The following EGF variants were observed in gnomAD, a reference collection of about 807,000 sequenced individuals.
EGF encodes epidermal growth factor.
Under a neutral mutation model 143.8 loss-of-function variants are expected in EGF, and 95 were observed. The ratio of observed to expected loss-of-function variants is 0.66; its 90% CI spans 0.56 to 0.78. EGF has a LOEUF of 0.78. Among genes scored for constraint, EGF ranks in the 30% least tolerant of loss-of-function variants. EGF has a pLI of 0.00. For synonymous variants in EGF, 510 were observed against 510.5 expected, an observed-to-expected ratio of 1.00 and a Z score of 0.01; for missense variants, 1,320 against 1,470.9, an observed-to-expected ratio of 0.90 and a Z score of 1.68.
chr4:110,007,556 A>G (rs1753468818), intron 22 of EGF, among the ~76,000 whole-genome samples: 1 of 152,212 alleles, frequency 6.6e-6, no homozygotes, highest in African/African-American at 2.4e-5. Context: ...TGATAATACA[A>G]ATAATGACAA....
chr4:109,916,624 T>C (rs1438786188), intron 1 of EGF, among the ~76,000 whole-genome samples: 1 of 152,128 alleles, frequency 6.6e-6, no homozygotes, highest in Admixed American at 6.5e-5. Context: ...AGGCCTTATT[T>C]TTTTTTAATG....
Position 109,943,893 on chromosome 4 carries a change from C to T in EGF, c.561C>T (p.Leu187=), listed in dbSNP as rs138711485. Residue 187 remains leucine (L), a synonymous_variant, in exon 4 of 24, where the codon CTC becomes CTT. Coordinates refer to ENST00000265171, the MANE Select transcript of EGF (RefSeq NM_001963.6). ...CTGGAAGCCTTTATAGAGCAGATCT[C>T]GATGGTGTGGGAGTGAAGGCTCTGT... is the stretch of plus-strand genomic sequence containing the variant. ...EVAGSLYRAD[L]DGVGVKALLE... 4 of 1,613,874 alleles carry T rather than the reference C, an allele frequency of 2.5e-6. No individual in the cohort carries two copies. The highest frequency in any genetic ancestry group is 4.5e-5 in the East Asian group (2 of 44,882).
At chr4:109,961,766 A>C in intron 7 of EGF, 97 bp from the exon 8 acceptor site, 1 of 1,533,126 alleles carries the variant, frequency 6.5e-7, no homozygotes, top group Non-Finnish European at 8.9e-7. Flanking sequence ...TGGGAGGTCA[A>C]GGCAGGAGGA....
chr4:109,919,659 G>A (rs573427655), intron 1 of EGF, among the ~76,000 whole-genome samples: 1 of 151,886 alleles, frequency 6.6e-6, no homozygotes, highest in Admixed American at 6.5e-5. Context: ...AGGTAGGGGG[G>A]AACTACTTCC....
At chr4:109,994,952 A>C in intron 20 of EGF, 72 bp downstream of exon 20, 2 of 1,597,614 alleles carry the variant, frequency 1.3e-6, no homozygotes, top group South Asian at 2.2e-5. Flanking sequence ...AATTTGTAAA[A>C]TTTACACTCA....
In EGF at chr4:109,988,527, G is replaced by A. The variant is rs1409312613; in HGVS notation, c.2609-57G>A. On this transcript the variant is annotated intron_variant, in intron 17 of 23. Transcript: ENST00000265171. ...CGATTATGCTTATTCTTTCCAACTA[G>A]TCCCATTTATATCAGGATTGCCTAA... 5.6e-6 allele frequency: 9 copies of A among 1,611,778 alleles called. No individual in the cohort carries two copies. The East Asian group carries it at 2.0e-4, about 36-fold the overall frequency.
At chr4:109,917,279 T>C (rs1736829716) in intron 1 of EGF, among the ~76,000 whole-genome samples, 1 of 152,238 alleles carries the variant, frequency 6.6e-6, no homozygotes, top group Admixed American at 6.5e-5. Context: ...TAATTTGAGC[T>C]TGTCAAAATA....
chr4:109,969,173 T>A, intron 11 of EGF, 54 bp downstream of exon 11: 1 of 1,606,346 alleles, frequency 6.2e-7, no homozygotes, highest in South Asian at 1.1e-5. Context: ...ATGGGATAGG[T>A]AATACTATTG....
At chr4:109,989,755 G>A (rs1056836067) in intron 18 of EGF, among the ~76,000 whole-genome samples, 3 of 152,148 alleles carry the variant, frequency 2.0e-5, no homozygotes, top group Non-Finnish European at 2.9e-5. Context: ...CTTCTTGGAT[G>A]TTTAAACTCG....
chr4:109,922,187 A>G (rs1032648079), intron 1 of EGF, among the ~76,000 whole-genome samples: 16 of 151,736 alleles, frequency 1.1e-4, no homozygotes, highest in African/African-American at 3.9e-4. Flanking sequence ...AGAATGGTCA[A>G]TGCTCTAAGT....
intron 1 of EGF, among the ~76,000 whole-genome samples, chr4:109,916,934 A>T (rs899175017): frequency 1.3e-5 from 2 of 152,226 alleles, no homozygotes; most frequent in Admixed American, 6.5e-5. Context: ...ATATTTTTGT[A>T]ATCAGAAGAA....
chr4:109,961,817 C>T, intron 7 of EGF, 46 bp from the exon 8 acceptor site: 1 of 1,609,670 alleles, frequency 6.2e-7, no homozygotes, highest in Non-Finnish European at 8.5e-7. Context: ...TAAATTTTTG[C>T]AAACCCGATT....
intron 1 of EGF, among the ~76,000 whole-genome samples, chr4:109,935,997 TA>T (rs1740720732): frequency 6.6e-6 from 1 of 152,196 alleles, no homozygotes. Flanking sequence ...GATATTGGCC[TA>T]AAATTCTCTT....
Position 109,969,108 on chromosome 4 carries a change from G to T in EGF, c.1713G>T (p.Trp571Cys). The change falls in exon 11 of 24, where the codon TGG becomes TGT. Residue 571 changes from tryptophan to cysteine, a missense_variant. By Grantham distance (215) the Trp-to-Cys change is radical. Coordinates refer to ENST00000265171, the MANE Select transcript of EGF (RefSeq NM_001963.6). ...AVDWIGRRFYWTDRGKSLIGR... is the reference protein window; with the variant it reads ...AVDWIGRRFYCTDRGKSLIGR... Reference sequence around the variant, plus strand: ...ACTGGATTGGCCGTAGATTCTATTGGACAGACAGAGGGTATGTTTTCTGCT... The same window carrying T: ...ACTGGATTGGCCGTAGATTCTATTGTACAGACAGAGGGTATGTTTTCTGCT... 6.2e-7 allele frequency: 1 copy of T among 1,614,170 alleles called. No homozygotes were observed. The highest frequency in any genetic ancestry group is 8.5e-7 in the Non-Finnish European group (1 of 1,180,016).
At chr4:109,925,053 T>G (rs561110582) in intron 1 of EGF, among the ~76,000 whole-genome samples, 1 of 152,326 alleles carries the variant, frequency 6.6e-6, no homozygotes, top group Admixed American at 6.5e-5. Flanking sequence ...GTTATGATAG[T>G]TAAGAAGACT....
intron 11 of EGF, among the ~76,000 whole-genome samples, chr4:109,973,589 C>G (rs146610876): frequency 3.7e-4 from 56 of 151,982 alleles, no homozygotes; most frequent in Middle Eastern, 6.8e-3. Flanking sequence ...CCTCTTTCCC[C>G]TCTTACTTCC....
Position 109,943,366 on chromosome 4 carries a change from G to C in EGF, c.440G>C (p.Gly147Ala), listed in dbSNP as rs1339389920. Reference protein sequence around the residue: ...EGIITVTDMKGNNSHILLSAL... With the variant: ...EGIITVTDMKANNSHILLSAL... ...ATCATTACAGTAACAGATATGAAAG[G>C]AAATAATTCCCACATTCTTTTAAGT... is the stretch of plus-strand genomic sequence containing the variant. The change falls in exon 3 of 24, where the codon GGA becomes GCA. Residue 147 changes from glycine to alanine, a missense_variant. Gly to Ala is a moderately conservative substitution (Grantham distance 60). This residue lies in a region of EGF where 1,186 missense variants were observed against 1,313.7 expected (regional missense o/e 0.90). Coordinates refer to ENST00000265171, the MANE Select transcript of EGF (RefSeq NM_001963.6). The C allele has an allele frequency of 3.1e-6, 5 of 1,613,616 alleles. No homozygotes were observed. The highest frequency in any genetic ancestry group is 1.7e-4 in the Middle Eastern group (1 of 6,058).
At chr4:109,950,876 G>C (rs1743777306) in intron 5 of EGF, among the ~76,000 whole-genome samples, 1 of 152,178 alleles carries the variant, frequency 6.6e-6, no homozygotes, top group Non-Finnish European at 1.5e-5. Flanking sequence ...TGTGTTCTCA[G>C]AGAATTTCCC....
chr4:109,993,156 G>T, intron 18 of EGF, 91 bp from the exon 19 acceptor site: 1 of 1,554,704 alleles, frequency 6.4e-7, no homozygotes, highest in South Asian at 1.1e-5. Flanking sequence ...GACAGAAGCT[G>T]ATGAAGCTCC....
Sources: allele counts gnomAD v4.1 joint callset (sites outside exome capture counted in the v4.1 genomes callset), GRCh38; gene constraint gnomAD v4.1.1; regional missense constraint gnomAD v4.1.1; transcripts MANE v1.5; gene names NCBI Gene and HGNC (gene_info 2026-07-23, HGNC 2026-07-21).